Variants in SCN11A observed in about 807,000 individuals in gnomAD.
SCN11A encodes sodium voltage-gated channel alpha subunit 11.
In SCN11A, 122 loss-of-function variants were observed where a neutral mutation model predicts 162.2. The ratio of observed to expected loss-of-function variants is 0.75; its 90% CI spans 0.65 to 0.87. SCN11A has a LOEUF of 0.87. Ranked by LOEUF, SCN11A falls within the 40% of genes least tolerant of loss-of-function variation. The pLI, the probability that SCN11A is intolerant of heterozygous loss-of-function variation, is 0.00. For missense variants in SCN11A, 2,015 were observed against 2,181.6 expected, an observed-to-expected ratio of 0.92 and a Z score of 1.52; for synonymous variants, 758 against 751.5, an observed-to-expected ratio of 1.01 and a Z score of -0.14.
chr3:38,895,053 A>T, intron 18 of SCN11A, 89 bp from the exon 19 acceptor site: 2 of 1,205,194 alleles, frequency 1.7e-6, no homozygotes, highest in Non-Finnish European at 2.3e-6. Flanking sequence ...CCCCAAGACT[A>T]AAAACAGAAT....
chr3:38,943,688 A>G (rs945377408), intron 7 of SCN11A, among the ~76,000 whole-genome samples: 3 of 152,342 alleles, frequency 2.0e-5, no homozygotes, highest in Non-Finnish European at 4.4e-5. Flanking sequence ...GAAACACACA[A>G]TTCAGAAATG....
intron 2 of SCN11A, among the ~76,000 whole-genome samples, chr3:39,009,402 A>G (rs1310412979): frequency 6.6e-6 from 1 of 151,266 alleles, no homozygotes; most frequent in Admixed American, 6.6e-5. Flanking sequence ...GTGCATATAT[A>G]TATGTGTGTG....
intron 2 of SCN11A, among the ~76,000 whole-genome samples, chr3:38,967,163 T>C (rs1260956847): frequency 4.6e-5 from 7 of 152,196 alleles, no homozygotes; most frequent in Admixed American, 3.9e-4. Context: ...AGAGATGCCA[T>C]GGTAACCAGC....
At chr3:38,974,250 T>G (rs1470411001) in intron 2 of SCN11A, among the ~76,000 whole-genome samples, 1 of 152,214 alleles carries the variant, frequency 6.6e-6, no homozygotes, top group Non-Finnish European at 1.5e-5. Flanking sequence ...TTTAGAAATG[T>G]AATGCACAAG....
intron 28 of SCN11A, among the ~76,000 whole-genome samples, chr3:38,851,517 A>G (rs2064778811): frequency 6.6e-6 from 1 of 152,228 alleles, no homozygotes; most frequent in Non-Finnish European, 1.5e-5. Flanking sequence ...ATGCAGTGAA[A>G]TTACTCAATT....
In SCN11A at chr3:38,847,132, A is replaced by G. The variant is rs1575200934; in HGVS notation, c.4938T>C (p.Leu1646=). The G allele has an allele frequency of 1.2e-6, 2 of 1,614,090 alleles. No individual in the cohort carries two copies. Among genetic ancestry groups the G allele is most frequent in the Non-Finnish European group, 1.7e-6 (2 of 1,180,048 alleles). ...EATQFIKYSA[L]SDFADALPEP... ...CAGGCAAGGCATCAGCAAAGTCAGA[A>G]AGGGCAGAATATTTGATAAATTGTG... Residue 1646 remains leucine (L), a synonymous_variant, in exon 30 of 30, where the codon CTT becomes CTC. Coordinates refer to ENST00000302328, the MANE Select transcript of SCN11A (RefSeq NM_001349253.2).
At chr3:39,030,746 C>G (rs1274650289) in intron 2 of SCN11A, among the ~76,000 whole-genome samples, 1 of 152,172 alleles carries the variant, frequency 6.6e-6, no homozygotes, top group Non-Finnish European at 1.5e-5. Flanking sequence ...ACACAAAGCA[C>G]ATTTGTGACA....
At chr3:39,040,119 T>A (rs931718862) in intron 1 of SCN11A, among the ~76,000 whole-genome samples, 9 of 152,206 alleles carry the variant, frequency 5.9e-5, no homozygotes, top group African/African-American at 2.2e-4. Flanking sequence ...CACCCTCCCA[T>A]AATCCAAGAA....
At chr3:39,033,305 A>G (rs1345004550) in intron 1 of SCN11A, among the ~76,000 whole-genome samples, 1 of 152,166 alleles carries the variant, frequency 6.6e-6, no homozygotes, top group Non-Finnish European at 1.5e-5. Flanking sequence ...TACTTTTTAT[A>G]TTTACTTTTT....
At chr3:38,989,460 A>G (rs1289497593) in intron 2 of SCN11A, among the ~76,000 whole-genome samples, 1 of 152,264 alleles carries the variant, frequency 6.6e-6, no homozygotes, top group Non-Finnish European at 1.5e-5. Context: ...ACAGCTAGGT[A>G]CAACCCGTGC....
chr3:38,894,990 G>C, intron 18 of SCN11A, 26 bp from the exon 19 acceptor site: 1 of 1,558,406 alleles, frequency 6.4e-7, no homozygotes, highest in South Asian at 1.2e-5. Flanking sequence ...GTAGCAAGAA[G>C]AAAGGAAAGT....
intron 28 of SCN11A, among the ~76,000 whole-genome samples, chr3:38,855,037 T>G (rs1241437776): frequency 3.3e-5 from 5 of 152,138 alleles, no homozygotes; most frequent in Non-Finnish European, 1.5e-5. Flanking sequence ...CAGATACGAG[T>G]GCAGGAGCTG....
At chr3:39,035,110 C>T (rs567509144) in intron 1 of SCN11A, among the ~76,000 whole-genome samples, 12 of 152,086 alleles carry the variant, frequency 7.9e-5, no homozygotes, top group South Asian at 4.2e-4. Flanking sequence ...AAAATTTATA[C>T]GGAACCATGA....
At chr3:39,047,656 A>G (rs2032216196) in intron 1 of SCN11A, among the ~76,000 whole-genome samples, 1 of 152,026 alleles carries the variant, frequency 6.6e-6, no homozygotes, top group Non-Finnish European at 1.5e-5. Flanking sequence ...TCCAGGAAGT[A>G]TAAAAAACTC....
intron 5 of SCN11A, among the ~76,000 whole-genome samples, chr3:38,947,147 TGTACTCCATG>T (rs2066530728): frequency 6.6e-6 from 1 of 152,204 alleles, no homozygotes. Context: ...CCCTTAATAT[TGTACTCCATG>T]GTACGTATCA....
intron 1 of SCN11A, among the ~76,000 whole-genome samples, chr3:39,046,671 A>C (rs1439767979): frequency 6.6e-6 from 1 of 152,168 alleles, no homozygotes; most frequent in Non-Finnish European, 1.5e-5. Flanking sequence ...AAGACACATC[A>C]ACCAATGGAA....
chr3:38,903,781 T>G (rs2065741577), intron 16 of SCN11A, 84 bp downstream of exon 16: 2 of 1,044,720 alleles, frequency 1.9e-6, no homozygotes, highest in Non-Finnish European at 2.8e-6. Context: ...TTAGGTTAGC[T>G]CATTCACAAA....
At chr3:38,997,508 C>T (rs558051547) in intron 2 of SCN11A, among the ~76,000 whole-genome samples, 15 of 152,256 alleles carry the variant, frequency 9.9e-5, no homozygotes, top group Non-Finnish European at 1.5e-4. Flanking sequence ...TTTTATTTTT[C>T]GTTTCCATAG....
intron 2 of SCN11A, among the ~76,000 whole-genome samples, chr3:39,023,679 G>A (rs1166421015): frequency 6.8e-6 from 1 of 147,986 alleles, no homozygotes; most frequent in African/African-American, 2.5e-5. Context: ...GTCTTGCTCT[G>A]TCACCCAGGC....
Sources: allele counts gnomAD v4.1 joint callset (sites outside exome capture counted in the v4.1 genomes callset), GRCh38; gene constraint gnomAD v4.1.1; transcripts MANE v1.5; gene names NCBI Gene and HGNC (gene_info 2026-07-23, HGNC 2026-07-21).